Variants in SGCZ observed in about 807,000 individuals in gnomAD.
SGCZ encodes sarcoglycan zeta, also known as zeta-sarcoglycan.
Under a neutral mutation model 41.3 loss-of-function variants are expected in SGCZ, and 40 were observed. The ratio of observed to expected loss-of-function variants is 0.97; its 90% CI spans 0.75 to 1.26. SGCZ has a LOEUF of 1.26. Ranked by LOEUF, SGCZ falls within the 50% of genes most tolerant of loss-of-function variation. The pLI is 0.00. For missense variants in SGCZ, 552 were observed against 369.8 expected (o/e 1.49, Z -4.04); for synonymous variants, 206 against 137.5 (o/e 1.50, Z -3.49).
At chr8:14,356,361 A>G (rs1803292754) in intron 2 of SGCZ, among the ~76,000 whole-genome samples, 1 of 152,196 alleles carries the variant, frequency 6.6e-6, no homozygotes, top group South Asian at 2.1e-4. Context: ...CAATGGAGTG[A>G]GCTATTTTAA....
chr8:14,611,308 G>C (rs778399043), intron 1 of SGCZ, among the ~76,000 whole-genome samples: 2 of 129,456 alleles, frequency 1.5e-5, no homozygotes, highest in Non-Finnish European at 3.3e-5. Flanking sequence ...CTCAAATGGA[G>C]AGAGTAAATG....
rs369023966 is a variant in SGCZ at position 14,758,644 on chromosome 8, A to G, written c.40-203718T>C. 1.3e-4 allele frequency among the ~76,000 whole-genome samples: 20 copies of G among 152,354 alleles called. No homozygotes were observed. In the South Asian group the frequency reaches 4.1e-3, roughly 32 times the overall value. On this transcript the variant is annotated intron_variant, in intron 1 of 7. Coordinates refer to ENST00000382080, the MANE Select transcript of SGCZ (RefSeq NM_139167.4). ...ACAGTAAAACTTGTGATTGGTGCAC[A>G]GTCAAATAATATTTCAAATAACTAC...
At chr8:14,242,537 T>C (rs1563206990) in intron 3 of SGCZ, among the ~76,000 whole-genome samples, 1 of 152,212 alleles carries the variant, frequency 6.6e-6, no homozygotes, top group Non-Finnish European at 1.5e-5. Context: ...ACATAATTTA[T>C]GTGCTTGTTA....
intron 1 of SGCZ, among the ~76,000 whole-genome samples, chr8:15,091,280 G>A (rs965813477): frequency 6.6e-6 from 1 of 152,110 alleles, no homozygotes; most frequent in Non-Finnish European, 1.5e-5. Context: ...TTAGCCTCCT[G>A]AGTAGCTGAG....
chr8:14,626,531 G>T (rs1003665765), intron 1 of SGCZ, among the ~76,000 whole-genome samples: 1 of 152,108 alleles, frequency 6.6e-6, no homozygotes, highest in African/African-American at 2.4e-5. Context: ...TGAAAATGGG[G>T]TCATTGCAAG....
chr8:15,062,896 T>C (rs1461171873), intron 1 of SGCZ, among the ~76,000 whole-genome samples: 1 of 152,018 alleles, frequency 6.6e-6, no homozygotes, highest in Non-Finnish European at 1.5e-5. Context: ...TCTAACTTTT[T>C]AAAGCATAGT....
At chr8:15,085,349 AGTAAAGGT>A (rs1188550796) in intron 1 of SGCZ, among the ~76,000 whole-genome samples, 1 of 152,200 alleles carries the variant, frequency 6.6e-6, no homozygotes, top group Non-Finnish European at 1.5e-5. Flanking sequence ...GGCAATGATC[AGTAAAGGT>A]GATCATGTAG....
At chr8:14,665,329 A>G (rs1807875489) in intron 1 of SGCZ, among the ~76,000 whole-genome samples, 1 of 152,176 alleles carries the variant, frequency 6.6e-6, no homozygotes, top group Admixed American at 6.5e-5. Flanking sequence ...ATGTCCCTAC[A>G]AAGGACATGA....
intron 1 of SGCZ, among the ~76,000 whole-genome samples, chr8:14,827,165 C>CG (rs1554507528): frequency 2.8e-5 from 4 of 140,924 alleles, no homozygotes; most frequent in African/African-American, 1.0e-4. Context: ...ATGGAAGTTT[C>CG]AAAAAAAAAA....
At chr8:14,671,030 G>A (rs1808083581) in intron 1 of SGCZ, among the ~76,000 whole-genome samples, 1 of 152,188 alleles carries the variant, frequency 6.6e-6, no homozygotes, top group Non-Finnish European at 1.5e-5. Context: ...TTGGTGTGCT[G>A]AAGCTTTGGT....
chr8:14,695,582 T>C (rs1808932689), intron 1 of SGCZ, among the ~76,000 whole-genome samples: 1 of 152,112 alleles, frequency 6.6e-6, no homozygotes, highest in South Asian at 2.1e-4. Flanking sequence ...CAGATTTAAT[T>C]ATCTTCCTTA....
At chr8:14,654,216 C>T (rs1807489346) in intron 1 of SGCZ, among the ~76,000 whole-genome samples, 1 of 149,082 alleles carries the variant, frequency 6.7e-6, no homozygotes, top group Non-Finnish European at 1.5e-5. Context: ...TAACATATGA[C>T]AAATTATACA....
At chr8:14,273,038 C>T (rs1217532815) in intron 3 of SGCZ, among the ~76,000 whole-genome samples, 1 of 151,452 alleles carries the variant, frequency 6.6e-6, no homozygotes, top group Non-Finnish European at 1.5e-5. Context: ...TTAATAACAA[C>T]TAAGAAATTG....
At chr8:14,950,082 G>A (rs1180290461) in intron 1 of SGCZ, among the ~76,000 whole-genome samples, 1 of 151,988 alleles carries the variant, frequency 6.6e-6, no homozygotes, top group Non-Finnish European at 1.5e-5. Context: ...GGATCCAAAT[G>A]AGTCTAAAAC....
intron 1 of SGCZ, among the ~76,000 whole-genome samples, chr8:14,778,419 T>C (rs1800479805): frequency 6.6e-6 from 1 of 152,106 alleles, no homozygotes; most frequent in South Asian, 2.1e-4. Context: ...AAATGAACTT[T>C]TTTCCTGGGA....
chr8:14,645,702 T>C lies in SGCZ; in HGVS notation c.40-90776A>G, dbSNP rs1162516694. ...ATTTCCTAATGACCTTATAGTCCATTTACACATACATACACACACACATTC... is the reference window on the plus strand; with the variant it reads ...ATTTCCTAATGACCTTATAGTCCATCTACACATACATACACACACACATTC... On this transcript the variant is annotated intron_variant, in intron 1 of 7. Transcript: ENST00000382080. Among the ~76,000 whole-genome samples the C allele has an allele frequency of 2.1e-5, 3 of 144,684 alleles. No homozygotes were observed. The East Asian group carries it at 8.7e-4, about 42-fold the overall frequency. 94.9% of individuals were successfully genotyped at this position (144,684 alleles called of 152,430 possible).
chr8:14,543,476 G>C (rs1212441549), intron 2 of SGCZ, among the ~76,000 whole-genome samples: 1 of 151,962 alleles, frequency 6.6e-6, no homozygotes, highest in African/African-American at 2.4e-5. Context: ...CATTATCCTG[G>C]AAAAGTAATT....
chr8:14,290,210 C>T (rs890674559), intron 3 of SGCZ, among the ~76,000 whole-genome samples: 3 of 152,104 alleles, frequency 2.0e-5, no homozygotes, highest in Admixed American at 6.6e-5. Flanking sequence ...AAGCCTTAAA[C>T]GTAAGACTCA....
At chr8:14,337,036 A>G (rs1802527390) in intron 2 of SGCZ, among the ~76,000 whole-genome samples, 1 of 152,070 alleles carries the variant, frequency 6.6e-6, no homozygotes, top group South Asian at 2.1e-4. Flanking sequence ...TATTTTCCCA[A>G]TTACTGGGAG....
Sources: allele counts gnomAD v4.1 joint callset (sites outside exome capture counted in the v4.1 genomes callset), GRCh38; gene constraint gnomAD v4.1.1; transcripts MANE v1.5; gene names NCBI Gene and HGNC (gene_info 2026-07-23, HGNC 2026-07-21).